TXLNB: variants seen among roughly 807,000 people sequenced by gnomAD.
TXLNB encodes beta-taxilin.
A neutral mutation model predicts 57.4 loss-of-function variants in TXLNB; 37 were observed. The observed-to-expected ratio is 0.64, with a 90% CI of 0.50 to 0.85. The LOEUF is 0.85. TXLNB is among the 40% of genes least tolerant of loss of function. The pLI is 0.00. For synonymous variants in TXLNB, 302 were observed against 309.6 expected (o/e 0.98, Z 0.26); for missense variants, 848 against 825.6 (o/e 1.03, Z -0.33).
chr6:139,275,321 AG>A (rs1341802649), intron 3 of TXLNB, among the ~76,000 whole-genome samples: 44 of 152,362 alleles, frequency 2.9e-4, no homozygotes, highest in African/African-American at 1.0e-3. Context: ...ATATTTGTGA[AG>A]ACTATATATT....
At chr6:139,296,041 C>G (rs547206049), upstream of TXLNB, among the ~76,000 whole-genome samples, 4 of 152,084 alleles carry the variant, frequency 2.6e-5, no homozygotes, top group South Asian at 2.1e-4. Context: ...TTGACCCCCC[C>G]CTCCTCCAGC....
rs773914168 is a variant in TXLNB, at chr6:139,255,564, C to T, written c.1077G>A (p.Gln359=). 6.2e-7 allele frequency: 1 copy of T among 1,613,822 alleles called. No individual in the cohort carries two copies. Among genetic ancestry groups the T allele is most frequent in the South Asian group, 1.1e-5 (1 of 91,064 alleles). Residue 359 remains glutamine (Q), a splice_region_variant and synonymous_variant, in exon 7 of 10, where the codon CAG becomes CAA. Coordinates refer to ENST00000358430, the MANE Select transcript of TXLNB (RefSeq NM_153235.4). ...CCATGCCTCGTCCACCTGGCCTCAC[C>T]TGAGCCTGCAGGACTGTCTCTTGCT... ...LKEQETVLQA[Q]LTLYSGRFEE...
At chr6:139,323,853 A>C in the TXLNB span, among the ~76,000 whole-genome samples, 1 of 152,054 alleles carries the variant, frequency 6.6e-6, no homozygotes, top group Non-Finnish European at 1.5e-5. Context: ...CCTGTTTCTC[A>C]AAATTAGGCA....
chr6:139,250,590 C>G (rs1002261864), intron 7 of TXLNB, among the ~76,000 whole-genome samples: 1 of 151,948 alleles, frequency 6.6e-6, no homozygotes, highest in Non-Finnish European at 1.5e-5. Flanking sequence ...TATTCTCAGC[C>G]CGGCCTCTTT....
At chr6:139,274,915 TGA>T (rs943095861) in intron 3 of TXLNB, among the ~76,000 whole-genome samples, 1 of 152,050 alleles carries the variant, frequency 6.6e-6, no homozygotes, top group African/African-American at 2.4e-5. Context: ...CATGGAAACG[TGA>T]GAGTGGGGGC....
chr6:139,159,988 A>G, the TXLNB span, among the ~76,000 whole-genome samples: 1 of 152,200 alleles, frequency 6.6e-6, no homozygotes, highest in South Asian at 2.1e-4. Flanking sequence ...TTGGGCATTC[A>G]GTGTGATCCT....
the TXLNB span, among the ~76,000 whole-genome samples, chr6:139,217,880 A>G: frequency 6.7e-3 from 1,016 of 151,788 alleles, 7 homozygotes; most frequent in Non-Finnish European, 9.7e-3. Flanking sequence ...AAAAAAAAAA[A>G]AAAAAAAGAA....
chr6:139,213,041 C>A, the TXLNB span, among the ~76,000 whole-genome samples: 1 of 152,188 alleles, frequency 6.6e-6, no homozygotes, highest in African/African-American at 2.4e-5. Flanking sequence ...GAGACTAACA[C>A]CCCACTGTCA....
Position 139,260,447 on chromosome 6 carries a change from A to T in TXLNB, c.883-10T>A. On this transcript the variant is annotated splice_polypyrimidine_tract_variant and intron_variant, in intron 5 of 9. Coordinates refer to ENST00000358430, the MANE Select transcript of TXLNB (RefSeq NM_153235.4). ...ATATTTTGTCCAGATGCTAAGAAAAATAAAGTGTACATAGAAAGCTTGGTT... is the reference window on the plus strand; with the variant it reads ...ATATTTTGTCCAGATGCTAAGAAAATTAAAGTGTACATAGAAAGCTTGGTT... The T allele has an allele frequency of 6.2e-7, 1 of 1,612,990 alleles. No individual in the cohort carries two copies. Among genetic ancestry groups the T allele is most frequent in the Non-Finnish European group, 8.5e-7 (1 of 1,179,748 alleles).
At chr6:139,181,048 G>A in the TXLNB span, among the ~76,000 whole-genome samples, 14 of 152,276 alleles carry the variant, frequency 9.2e-5, no homozygotes, top group South Asian at 1.9e-3. Context: ...GATTCTATAC[G>A]AATAGTCCAA....
downstream of TXLNB, among the ~76,000 whole-genome samples, chr6:139,236,988 C>T (rs1775842951): frequency 6.6e-6 from 1 of 152,090 alleles, no homozygotes; most frequent in African/African-American, 2.4e-5. Context: ...AAAAATTCTC[C>T]AGGTTGGAGC....
chr6:139,300,485 C>T, the TXLNB span, among the ~76,000 whole-genome samples: 1 of 152,108 alleles, frequency 6.6e-6, no homozygotes. Flanking sequence ...GAGGGGATGC[C>T]TAGGCTAATT....
At chr6:139,185,227 A>G in the TXLNB span, among the ~76,000 whole-genome samples, 1 of 152,214 alleles carries the variant, frequency 6.6e-6, no homozygotes, top group South Asian at 2.1e-4. Flanking sequence ...GTTACCCACC[A>G]CAAGGCTGCA....
At chr6:139,287,566 G>T (rs1777204951) in intron 2 of TXLNB, among the ~76,000 whole-genome samples, 1 of 152,134 alleles carries the variant, frequency 6.6e-6, no homozygotes, top group Non-Finnish European at 1.5e-5. Flanking sequence ...TGAGAGATGG[G>T]TATATAAACA....
chr6:139,235,787 C>T (rs149607629), downstream of TXLNB, among the ~76,000 whole-genome samples: 92 of 152,174 alleles, frequency 6.0e-4, no homozygotes, highest in African/African-American at 1.7e-3. Context: ...GGGCCCGCCA[C>T]GCCCCCCCTT....
chr6:139,182,432 ATTAG>A, the TXLNB span, among the ~76,000 whole-genome samples: 1 of 152,238 alleles, frequency 6.6e-6, no homozygotes, highest in African/African-American at 2.4e-5. Flanking sequence ...TTGGTAAGCA[ATTAG>A]TTTAATGGAA....
chr6:139,203,874 T>C, the TXLNB span, among the ~76,000 whole-genome samples: 3 of 152,180 alleles, frequency 2.0e-5, no homozygotes, highest in Non-Finnish European at 4.4e-5. Context: ...TGAGTTGAAA[T>C]TGGGACAAGA....
chr6:139,191,202 C>T, the TXLNB span, among the ~76,000 whole-genome samples: 13,555 of 152,078 alleles, frequency 0.089, 931 homozygotes, highest in Admixed American at 0.18. Flanking sequence ...GGCGGATCAC[C>T]GAGGTCAGGA....
the TXLNB span, among the ~76,000 whole-genome samples, chr6:139,188,981 C>G: frequency 6.6e-6 from 1 of 152,180 alleles, no homozygotes. Flanking sequence ...GCCTCAAACT[C>G]GTGACCCTCA....
Sources: gnomAD v4.1 joint callset for allele counts (sites outside exome capture counted in the v4.1 genomes callset) on GRCh38, gnomAD v4.1.1 for gene constraint, MANE v1.5 for transcripts, NCBI Gene and HGNC (gene_info 2026-07-23, HGNC 2026-07-21) for gene names.